CRYBA1: variants seen among roughly 807,000 people sequenced by gnomAD.
The protein encoded by CRYBA1 is beta-crystallin A3.
In CRYBA1, 25 loss-of-function variants were observed where a neutral mutation model predicts 36.2. That is an observed-to-expected ratio of 0.69 (90% confidence interval 0.50 to 0.97). The LOEUF (loss-of-function observed/expected upper bound fraction) is 0.97, where lower values mean the gene tolerates loss of function less well. Ranked by LOEUF, CRYBA1 falls within the 50% of genes least tolerant of loss-of-function variation. The pLI is 0.00. For synonymous variants in CRYBA1, 111 were observed against 90.0 expected (o/e 1.23, Z -1.32); for missense variants, 224 against 276.3 (o/e 0.81, Z 1.34).
chr17:29,254,492 A>AC lies in CRYBA1; in HGVS notation c.*143_*144insC. ...ACAATAAACGTCATTTAAAAAAAAA[A>AC]AACTTTGTAGACTGAATTAACTACC... On this transcript the variant is annotated 3_prime_UTR_variant, in exon 6 of 6. Coordinates refer to ENST00000225387, the MANE Select transcript of CRYBA1 (RefSeq NM_005208.5). The AC allele has an allele frequency of 1.1e-6, 1 of 873,468 alleles. No individual in the cohort carries two copies. Among genetic ancestry groups the AC allele is most frequent in the Non-Finnish European group, 1.8e-6 (1 of 555,014 alleles). 54.1% of individuals were successfully genotyped at this position (873,468 alleles called of 1,614,324 possible).
intron 4 of CRYBA1, 104 bp from the exon 5 acceptor site, chr17:29,253,534 CAT>C (rs2068948636): frequency 3.3e-6 from 3 of 906,268 alleles, no homozygotes; most frequent in Admixed American, 2.5e-5. Context: ...TTTAAATTAT[CAT>C]GTGCTTCCTT....
intron 3 of CRYBA1, among the ~76,000 whole-genome samples, chr17:29,251,640 G>A (rs2068935926): frequency 6.6e-6 from 1 of 152,052 alleles, no homozygotes; most frequent in African/African-American, 2.4e-5. Context: ...GGGTCACCAC[G>A]CCTGGCTAAT....
chr17:29,247,108 G>A (rs1454046844), intron 1 of CRYBA1, among the ~76,000 whole-genome samples: 1 of 152,250 alleles, frequency 6.6e-6, no homozygotes, highest in Non-Finnish European at 1.5e-5. Flanking sequence ...AAGGCTGGGG[G>A]ATGGGCATGG....
At position 29,254,211 on chromosome 17, in the gene CRYBA1, C is replaced by A. The variant is rs2068954567; in HGVS notation, c.510C>A (p.Cys170Ter). ...ACTTTGAATTTCCTAGCTGGGTTTG[C>A]TACCAATATCCTGGATATCGTGGGT... ...SMKIQSGAWV[C>*]YQYPGYRGYQ... The change falls in exon 6 of 6, where the codon TGC (cysteine) becomes TGA (stop). Residue 170 changes from cysteine to a stop codon, truncating the protein, a stop_gained. Transcript: ENST00000225387. LOFTEE classifies it high-confidence loss of function. 1 of 1,613,970 alleles carries A rather than the reference C, an allele frequency of 6.2e-7. No individual in the cohort carries two copies. Among genetic ancestry groups the A allele is most frequent in the Non-Finnish European group, 8.5e-7 (1 of 1,179,996 alleles).
intron 1 of CRYBA1, among the ~76,000 whole-genome samples, chr17:29,247,417 C>T (rs2068907380): frequency 1.3e-5 from 2 of 152,290 alleles, no homozygotes; most frequent in South Asian, 2.1e-4. Flanking sequence ...TCAGTATCCT[C>T]ATCTGTAAAA....
intron 1 of CRYBA1, among the ~76,000 whole-genome samples, chr17:29,247,579 G>C (rs2068908254): frequency 1.3e-5 from 2 of 152,182 alleles, no homozygotes; most frequent in Admixed American, 1.3e-4. Flanking sequence ...CCTTCAATAA[G>C]TCTTTTTCAA....
At position 29,252,167 on chromosome 17, in the gene CRYBA1, A is replaced by G. The variant is rs765271549; in HGVS notation, c.319A>G (p.Ile107Val). The stretch of plus-strand genomic sequence containing the variant: ...CTGGAGTGGGAGTAATGCCTACCAC[A>G]TTGAGCGTCTCATGTCCTTCCGCCC... ...DAWSGSNAYH[I>V]ERLMSFRPIC... is the part of the protein sequence containing the mutation. Residue 107 changes from isoleucine to valine, a missense_variant, in exon 4 of 6, where the codon ATT becomes GTT. By Grantham distance (29) the Ile-to-Val change is conservative. Coordinates refer to ENST00000225387, the MANE Select transcript of CRYBA1 (RefSeq NM_005208.5). 3 of 1,614,168 alleles carry G rather than the reference A, an allele frequency of 1.9e-6. No individual in the cohort carries two copies. The highest frequency in any genetic ancestry group is 2.2e-5 in the South Asian group (2 of 91,086).
At chr17:29,251,922 G>T (rs1004309904) in intron 3 of CRYBA1, 142 bp from the exon 4 acceptor site, 46 of 1,054,068 alleles carry the variant, frequency 4.4e-5, no homozygotes, top group Non-Finnish European at 6.5e-5. Flanking sequence ...CTCAACTCTT[G>T]TGACAAATTA....
At chr17:29,247,194 G>A (rs2068906023) in intron 1 of CRYBA1, among the ~76,000 whole-genome samples, 1 of 152,202 alleles carries the variant, frequency 6.6e-6, no homozygotes, top group Non-Finnish European at 1.5e-5. Context: ...ATTCAGAATG[G>A]AAAAATATAT....
intron 2 of CRYBA1, among the ~76,000 whole-genome samples, chr17:29,249,463 A>G (rs976077115): frequency 6.6e-6 from 1 of 152,150 alleles, no homozygotes; most frequent in Non-Finnish European, 1.5e-5. Flanking sequence ...CCTCCCCACT[A>G]AAGTCATCTT....
At chr17:29,252,306 T>C in intron 4 of CRYBA1, 101 bp downstream of exon 4, 1 of 1,504,232 alleles carries the variant, frequency 6.6e-7, no homozygotes, top group Non-Finnish European at 9.1e-7. Context: ...ATGCTGAATG[T>C]GGCAGGAAAA....
intron 1 of CRYBA1, among the ~76,000 whole-genome samples, chr17:29,247,906 C>T (rs561789864): frequency 8.1e-4 from 123 of 152,226 alleles, no homozygotes; most frequent in African/African-American, 2.7e-3. Context: ...CACCTGAGGT[C>T]GGGAGTTCAA....
intron 2 of CRYBA1, among the ~76,000 whole-genome samples, chr17:29,249,871 G>A (rs2068924658): frequency 6.6e-6 from 1 of 151,656 alleles, no homozygotes; most frequent in African/African-American, 2.4e-5. Context: ...TGCTTATGAA[G>A]GAACTGTGGT....
chr17:29,249,282 C>A, intron 2 of CRYBA1, 76 bp downstream of exon 2: 1 of 1,036,350 alleles, frequency 9.6e-7, no homozygotes, highest in East Asian at 2.4e-5. Context: ...CTGTGCTCGT[C>A]CATAAGGCAG....
intron 3 of CRYBA1, among the ~76,000 whole-genome samples, chr17:29,251,172 C>T (rs1374708501): frequency 6.6e-6 from 1 of 152,140 alleles, no homozygotes; most frequent in African/African-American, 2.4e-5. Context: ...CTTGTTCATC[C>T]CTGTGCTTTC....
chr17:29,250,125 T>G (rs902591386), intron 2 of CRYBA1, 57 bp from the exon 3 acceptor site: 2 of 977,050 alleles, frequency 2.0e-6, no homozygotes, highest in African/African-American at 3.2e-5. Flanking sequence ...GCTGTTGACC[T>G]GGACCTCTGT....
At chr17:29,248,805 TA>T (rs1396104553) in intron 1 of CRYBA1, among the ~76,000 whole-genome samples, 1 of 151,712 alleles carries the variant, frequency 6.6e-6, no homozygotes, top group Non-Finnish European at 1.5e-5. Flanking sequence ...CCATCTCTAC[TA>T]AAAATACAAA....
At chr17:29,247,155 A>T (rs1225632065) in intron 1 of CRYBA1, among the ~76,000 whole-genome samples, 1 of 152,250 alleles carries the variant, frequency 6.6e-6, no homozygotes, top group African/African-American at 2.4e-5. Context: ...GTATGGGAGC[A>T]GGACCTGGGA....
chr17:29,252,198 G>A lies in CRYBA1; in HGVS notation c.350G>A (p.Cys117Tyr). Residue 117 changes from cysteine (C) to tyrosine (Y), a missense_variant, in exon 4 of 6, where the codon TGT becomes TAT. Physicochemically the swap from Cys to Tyr is radical, Grantham distance 194. Coordinates refer to ENST00000225387, the MANE Select transcript of CRYBA1 (RefSeq NM_005208.5). ...IERLMSFRPICSANHKESKMT... is the reference protein window; with the variant it reads ...IERLMSFRPIYSANHKESKMT... ...CGTCTCATGTCCTTCCGCCCCATCTGTTCAGCTGTGAGTCTCTGAAATTTC... is the reference window on the plus strand; with the variant it reads ...CGTCTCATGTCCTTCCGCCCCATCTATTCAGCTGTGAGTCTCTGAAATTTC... The A allele has an allele frequency of 6.2e-7, 1 of 1,614,084 alleles. No individual in the cohort carries two copies. Among genetic ancestry groups the A allele is most frequent in the Non-Finnish European group, 8.5e-7 (1 of 1,180,020 alleles).
Sources: gnomAD v4.1 joint callset for allele counts (sites outside exome capture counted in the v4.1 genomes callset) on GRCh38, gnomAD v4.1.1 for gene constraint, MANE v1.5 for transcripts, NCBI Gene and HGNC (gene_info 2026-07-23, HGNC 2026-07-21) for gene names.